ZMYND11: variants seen among roughly 807,000 people sequenced by gnomAD.
ZMYND11 encodes the protein zinc finger MYND domain-containing protein 11.
A neutral mutation model predicts 84.9 loss-of-function variants in ZMYND11; 9 were observed. The observed-to-expected ratio is 0.11, with a 90% confidence interval of 0.06 to 0.18. The LOEUF is 0.18. ZMYND11 is among the 10% of genes least tolerant of loss of function. The pLI is 1.00. For synonymous variants in ZMYND11, 250 were observed against 244.1 expected (o/e 1.02, Z -0.23); for missense variants, 409 against 761.0 (o/e 0.54, Z 5.44).
At chr10:240,323 G>T (rs1384417383) in intron 8 of ZMYND11, among the ~76,000 whole-genome samples, 2 of 152,144 alleles carry the variant, frequency 1.3e-5, no homozygotes, top group Non-Finnish European at 2.9e-5. Flanking sequence ...GGCCAACATG[G>T]TGAAACCCTG....
At chr10:205,010 T>G (rs1007528000) in intron 2 of ZMYND11, among the ~76,000 whole-genome samples, 2 of 152,136 alleles carry the variant, frequency 1.3e-5, no homozygotes, top group Non-Finnish European at 1.5e-5. Flanking sequence ...GCTAGATTCC[T>G]TGCTTTCCTA....
At chr10:130,446 C>T (rs782561629), upstream of ZMYND11, among the ~76,000 whole-genome samples, 3 of 152,060 alleles carry the variant, frequency 2.0e-5, no homozygotes, top group Non-Finnish European at 4.4e-5. Context: ...ATATTTGGCC[C>T]GTTTAATATT....
At chr10:131,725 G>A (rs1008554661), upstream of ZMYND11, among the ~76,000 whole-genome samples, 5 of 151,460 alleles carry the variant, frequency 3.3e-5, no homozygotes, top group East Asian at 1.9e-4. Flanking sequence ...ATGCGTCCTC[G>A]TTATGTTGCC....
intron 1 of ZMYND11, among the ~76,000 whole-genome samples, chr10:162,007 G>A (rs1247208566): frequency 3.3e-5 from 5 of 152,294 alleles, no homozygotes; most frequent in South Asian, 2.1e-4. Context: ...CTTGGCTTTC[G>A]ACATGCCTTC....
In ZMYND11 at chr10:198,091, A is replaced by G. The variant is rs1184726602; in HGVS notation, c.117-11798A>G. 9.6e-6 allele frequency: 4 copies of G among 415,544 alleles called. No individual in the cohort carries two copies. In the East Asian group the frequency reaches 1.5e-4, roughly 15 times the overall value. 25.7% of individuals were successfully genotyped at this position (415,544 alleles called of 1,614,324 possible). On this transcript the variant is annotated intron_variant, in intron 2 of 14. Coordinates refer to ENST00000381604, the MANE Select transcript of ZMYND11 (RefSeq NM_001370100.5). Reference sequence around the variant, plus strand: ...AAGATTCAAGCAAGCTGTAAAATATATAATTTATAATGGCCAAAATTGAGA... The same window carrying G: ...AAGATTCAAGCAAGCTGTAAAATATGTAATTTATAATGGCCAAAATTGAGA...
At chr10:150,749 C>G (rs1840135727) in intron 1 of ZMYND11, among the ~76,000 whole-genome samples, 1 of 152,178 alleles carries the variant, frequency 6.6e-6, no homozygotes, top group African/African-American at 2.4e-5. Context: ...GTTCTCCCAG[C>G]ACGGAGTTTG....
chr10:145,994 A>G (rs1838738931), intron 1 of ZMYND11, among the ~76,000 whole-genome samples: 1 of 152,138 alleles, frequency 6.6e-6, no homozygotes, highest in Non-Finnish European at 1.5e-5. Context: ...GGTTTCTTCT[A>G]GAATTTTTAT....
intron 10 of ZMYND11, among the ~76,000 whole-genome samples, chr10:244,302 C>T (rs1379910355): frequency 6.6e-6 from 1 of 152,140 alleles, no homozygotes; most frequent in African/African-American, 2.4e-5. Flanking sequence ...TTCTGCTAGT[C>T]CATCATATCA....
At chr10:134,701 A>C (rs1588311993), upstream of ZMYND11, 1 of 152,206 alleles carries the variant, frequency 6.6e-6, no homozygotes, top group Non-Finnish European at 1.5e-5. Flanking sequence ...CACCGGGTCC[A>C]CCCGGGGCTG....
At chr10:130,780 T>C (rs1351058968), upstream of ZMYND11, among the ~76,000 whole-genome samples, 1 of 152,178 alleles carries the variant, frequency 6.6e-6, no homozygotes, top group Non-Finnish European at 1.5e-5. Context: ...GAGTTGGAAT[T>C]TGGACTCAGG....
chr10:173,250 C>T (rs1221774583), intron 1 of ZMYND11, among the ~76,000 whole-genome samples: 1 of 152,148 alleles, frequency 6.6e-6, no homozygotes, highest in African/African-American at 2.4e-5. Context: ...ATAAGCTGGA[C>T]TTCGTTAAAA....
intron 4 of ZMYND11, among the ~76,000 whole-genome samples, chr10:228,424 T>A (rs1948476292): frequency 6.6e-6 from 1 of 152,234 alleles, no homozygotes; most frequent in African/African-American, 2.4e-5. Flanking sequence ...ATCAGGATGC[T>A]TACAACTTAA....
At chr10:213,467 C>A (rs1392302140) in intron 3 of ZMYND11, among the ~76,000 whole-genome samples, 1 of 152,114 alleles carries the variant, frequency 6.6e-6, no homozygotes, top group Non-Finnish European at 1.5e-5. Flanking sequence ...AGGAACATGA[C>A]AAGTAGATGT....
At chr10:215,125 T>G (rs1252611703) in intron 3 of ZMYND11, among the ~76,000 whole-genome samples, 1 of 152,188 alleles carries the variant, frequency 6.6e-6, no homozygotes, top group Non-Finnish European at 1.5e-5. Context: ...GCTAGAATAT[T>G]ATTTGACAGA....
chr10:157,762 A>T (rs79772626), intron 1 of ZMYND11, among the ~76,000 whole-genome samples: 5,178 of 152,282 alleles, frequency 0.034, 289 homozygotes, highest in African/African-American at 0.12. Context: ...AAAGTATACA[A>T]ATCAGTGGTT....
At chr10:146,373 G>A (rs1554755300) in intron 1 of ZMYND11, among the ~76,000 whole-genome samples, 1 of 152,116 alleles carries the variant, frequency 6.6e-6, no homozygotes, top group South Asian at 2.1e-4. Context: ...GATTCCATAA[G>A]AATTTTAGGA....
rs1271249099 is a variant in ZMYND11, at chr10:139,799, C to T, written c.-20+4240C>T. 7.3e-5 allele frequency among the ~76,000 whole-genome samples: 11 copies of T among 150,042 alleles called. No individual in the cohort carries two copies. The East Asian group carries it at 2.2e-3, about 30-fold the overall frequency. On this transcript the variant is annotated intron_variant, in intron 1 of 14. Coordinates refer to ENST00000381604, the MANE Select transcript of ZMYND11 (RefSeq NM_001370100.5). ...CCATCTTGGCTCACTACAACCTCCA[C>T]CTCCTGGGTTCAAGTGATTCTCATG...
chr10:141,847 A>G (rs544108902), intron 1 of ZMYND11, among the ~76,000 whole-genome samples: 3 of 152,334 alleles, frequency 2.0e-5, no homozygotes, highest in East Asian at 3.9e-4. Context: ...AACATTTATC[A>G]TGTGAACATG....
intron 1 of ZMYND11, among the ~76,000 whole-genome samples, chr10:144,842 C>A (rs1554754819): frequency 1.3e-5 from 2 of 149,952 alleles, no homozygotes; most frequent in African/African-American, 4.9e-5. Context: ...TTAGTGCACC[C>A]ATCACCTGAG....
Sources: allele counts gnomAD v4.1 joint callset (sites outside exome capture counted in the v4.1 genomes callset), GRCh38; gene constraint gnomAD v4.1.1; transcripts MANE v1.5; gene names NCBI Gene and HGNC (gene_info 2026-07-23, HGNC 2026-07-21).